Variants in MECOM observed in about 807,000 individuals in gnomAD.
MECOM encodes the protein histone-lysine N-methyltransferase MECOM.
MECOM carries 13 observed loss-of-function variants against 116.3 expected under a neutral mutation model. That is an observed-to-expected ratio of 0.11 (90% CI 0.07 to 0.18). The LOEUF is 0.18. MECOM is among the 10% of genes least tolerant of loss of function. The pLI is 1.00. For missense variants in MECOM, 1,299 were observed against 1,509.0 expected (o/e 0.86, Z 2.31); for synonymous variants, 528 against 535.2 (o/e 0.99, Z 0.19).
intron 2 of MECOM, among the ~76,000 whole-genome samples, chr3:169,209,771 G>A (rs1750464082): frequency 6.6e-6 from 1 of 152,090 alleles, no homozygotes; most frequent in African/African-American, 2.4e-5. Context: ...GTAAATTAGT[G>A]TAATCATCGT....
At chr3:169,638,507 G>A (rs969458712) in intron 1 of MECOM, among the ~76,000 whole-genome samples, 12 of 152,188 alleles carry the variant, frequency 7.9e-5, no homozygotes, top group Admixed American at 6.5e-4. Flanking sequence ...TTTCCAGAGA[G>A]AGGAACTTGA....
At chr3:169,354,914 T>TC (rs1173437190) in intron 2 of MECOM, among the ~76,000 whole-genome samples, 1 of 151,792 alleles carries the variant, frequency 6.6e-6, no homozygotes, top group Non-Finnish European at 1.5e-5. Flanking sequence ...ACAGATAGCA[T>TC]CCCGGCGCAA....
intron 2 of MECOM, among the ~76,000 whole-genome samples, chr3:169,291,798 T>C (rs1714610294): frequency 6.6e-6 from 1 of 152,234 alleles, no homozygotes; most frequent in African/African-American, 2.4e-5. Context: ...ATAGCTACTC[T>C]GCATGTTTCA....
At chr3:169,120,415 G>T (rs1730615554) in intron 7 of MECOM, among the ~76,000 whole-genome samples, 1 of 152,190 alleles carries the variant, frequency 6.6e-6, no homozygotes, top group African/African-American at 2.4e-5. Context: ...TCCCCTAAAA[G>T]CACACTGCCT....
chr3:169,400,900 C>T (rs1398925242), intron 1 of MECOM, among the ~76,000 whole-genome samples: 2 of 152,180 alleles, frequency 1.3e-5, no homozygotes, highest in African/African-American at 4.8e-5. Flanking sequence ...AGGCTCATTG[C>T]TGATGTATGG....
chr3:169,604,703 T>C (rs766269223), intron 1 of MECOM, among the ~76,000 whole-genome samples: 3 of 152,164 alleles, frequency 2.0e-5, no homozygotes, highest in African/African-American at 4.8e-5. Flanking sequence ...AGAGCTGCCC[T>C]CTGAAAGGGC....
At chr3:169,146,398 G>A (rs1014899911) in intron 2 of MECOM, 4 of 1,389,362 alleles carry the variant, frequency 2.9e-6, no homozygotes, top group African/African-American at 2.9e-5. Context: ...CGAAACCGAC[G>A]GACAGAGACA....
At chr3:169,556,704 G>A (rs1435399152) in intron 1 of MECOM, among the ~76,000 whole-genome samples, 1 of 152,122 alleles carries the variant, frequency 6.6e-6, no homozygotes, top group African/African-American at 2.4e-5. Context: ...CCCTTGAGGG[G>A]AGGCCAGCTG....
intron 1 of MECOM, among the ~76,000 whole-genome samples, chr3:169,549,139 A>C (rs1283673723): frequency 6.6e-6 from 1 of 152,036 alleles, no homozygotes; most frequent in Non-Finnish European, 1.5e-5. Flanking sequence ...ACACCCAGCT[A>C]ATTATTGTAT....
In MECOM at chr3:169,618,526, G is replaced by A. The variant is rs548429411; in HGVS notation, c.37+44810C>T. ...CAAAAAATTAGCTGGTCATGGTGGC[G>A]CGCGCCCGTAGTCCCAGCTACTCAG... On this transcript the variant is annotated intron_variant, in intron 1 of 16. Coordinates refer to ENST00000651503, the MANE Select transcript of MECOM (RefSeq NM_004991.4). Among the ~76,000 whole-genome samples, 8 of 152,080 alleles carry A rather than the reference G, an allele frequency of 5.3e-5. 1 individual carries two copies. Among genetic ancestry groups the A allele is most frequent in the South Asian group, 4.2e-4 (2 of 4,796 alleles).
intron 2 of MECOM, among the ~76,000 whole-genome samples, chr3:169,270,041 C>A (rs1577534914): frequency 6.6e-6 from 1 of 151,478 alleles, no homozygotes; most frequent in African/African-American, 2.4e-5. Flanking sequence ...TGTGCATTTA[C>A]CTTACAGAGT....
intron 9 of MECOM, among the ~76,000 whole-genome samples, chr3:169,109,223 C>T (rs1726483476): frequency 6.6e-6 from 1 of 152,158 alleles, no homozygotes; most frequent in Admixed American, 6.5e-5. Flanking sequence ...TTTTCAATCA[C>T]ATATGCAGGG....
intron 9 of MECOM, 96 bp downstream of exon 9, chr3:169,112,691 C>G: frequency 1.1e-6 from 1 of 940,502 alleles, no homozygotes; most frequent in East Asian, 2.4e-5. Flanking sequence ...ATAGGAAATC[C>G]TAATGTTCTC....
At chr3:169,559,155 GT>G (rs1476370565) in intron 1 of MECOM, among the ~76,000 whole-genome samples, 4 of 152,026 alleles carry the variant, frequency 2.6e-5, no homozygotes, top group African/African-American at 9.7e-5. Context: ...ACATTGTATT[GT>G]CAAAGCTAGA....
At chr3:169,229,157 T>A (rs1753087713) in intron 2 of MECOM, among the ~76,000 whole-genome samples, 1 of 152,188 alleles carries the variant, frequency 6.6e-6, no homozygotes, top group Non-Finnish European at 1.5e-5. Flanking sequence ...CATAAAAATC[T>A]GCTCTGCTGT....
At chr3:169,640,385 TC>T (rs1305700177) in intron 1 of MECOM, among the ~76,000 whole-genome samples, 2 of 152,318 alleles carry the variant, frequency 1.3e-5, no homozygotes, top group African/African-American at 4.8e-5. Flanking sequence ...CAAAACATTG[TC>T]TGTCACCATT....
At chr3:169,190,642 T>C (rs1438109490) in intron 2 of MECOM, among the ~76,000 whole-genome samples, 1 of 152,052 alleles carries the variant, frequency 6.6e-6, no homozygotes, top group Non-Finnish European at 1.5e-5. Context: ...GTCACACATT[T>C]ATACATGATA....
At chr3:169,101,121 A>G (rs1156448931) in intron 11 of MECOM, among the ~76,000 whole-genome samples, 159 bp from the exon 12 acceptor site, 1 of 151,562 alleles carries the variant, frequency 6.6e-6, no homozygotes, top group Non-Finnish European at 1.5e-5. Flanking sequence ...TTTCACAGAT[A>G]TTAATATAAA....
rs560944349 is a variant in MECOM, at chr3:169,472,794, T to C, written c.38-91270A>G. ...AAGTAATATAAGCCTTAGTGTTCAT[T>C]TTTTCAAATTGTTCAATTTATAGAA... is the stretch of plus-strand genomic sequence containing the variant. On this transcript the variant is annotated intron_variant, in intron 1 of 16. Coordinates refer to ENST00000651503, the MANE Select transcript of MECOM (RefSeq NM_004991.4). Among the ~76,000 whole-genome samples, 508 of 152,100 alleles carry C rather than the reference T, an allele frequency of 3.3e-3. 1 individual carries two copies. The highest frequency in any genetic ancestry group is 5.1e-3 in the Non-Finnish European group (346 of 67,964).
Sources: allele counts gnomAD v4.1 joint callset (sites outside exome capture counted in the v4.1 genomes callset), GRCh38; gene constraint gnomAD v4.1.1; transcripts MANE v1.5; gene names NCBI Gene and HGNC (gene_info 2026-07-23, HGNC 2026-07-21).